The following GATAD2A variants were observed in gnomAD, a reference collection of about 807,000 sequenced individuals.
GATAD2A encodes the protein GATA zinc finger domain containing 2A.
Under a neutral mutation model 68.5 loss-of-function variants are expected in GATAD2A, and 12 were observed. The ratio of observed to expected loss-of-function variants is 0.18; its 90% CI spans 0.11 to 0.28. GATAD2A has a LOEUF of 0.28. Ranked by LOEUF, GATAD2A falls within the 10% of genes least tolerant of loss-of-function variation. The probability of loss-of-function intolerance (pLI) is 1.00; values close to 1 mark genes in which losing one functional copy is unlikely to be tolerated. For missense variants in GATAD2A, 755 were observed against 868.5 expected (o/e 0.87, Z 1.64); for synonymous variants, 410 against 375.3 (o/e 1.09, Z -1.07).
In GATAD2A at chr19:19,409,866, C is replaced by G. The variant is rs141555763; in HGVS notation, c.-7+3847C>G. Among the ~76,000 whole-genome samples, 1,133 of 152,300 alleles carry G rather than the reference C, an allele frequency of 7.4e-3. 7 individuals are homozygous for G. The highest frequency in any genetic ancestry group is 0.013 in the Non-Finnish European group (860 of 68,020). On this transcript the variant is annotated intron_variant, in intron 1 of 11. Coordinates refer to ENST00000683918, the MANE Select transcript of GATAD2A (RefSeq NM_001384528.1). Reference sequence around the variant, plus strand: ...GACCGTTGGCTTCTTGCCCCTCCCCCACCTTGTGCTTTCCAGACTATATTT... The same window carrying G: ...GACCGTTGGCTTCTTGCCCCTCCCCGACCTTGTGCTTTCCAGACTATATTT...
At chr19:19,410,615 A>G (rs770340521) in intron 1 of GATAD2A, among the ~76,000 whole-genome samples, 1 of 152,220 alleles carries the variant, frequency 6.6e-6, no homozygotes, top group Non-Finnish European at 1.5e-5. Flanking sequence ...CTTCGAGCAC[A>G]CACTTTAAAA....
At chr19:19,412,865 A>G (rs1313276164) in intron 1 of GATAD2A, among the ~76,000 whole-genome samples, 2 of 152,146 alleles carry the variant, frequency 1.3e-5, no homozygotes, top group African/African-American at 2.4e-5. Flanking sequence ...GTAGGCCTCC[A>G]ATTTACGATG....
At chr19:19,394,723 C>T (rs997263259) in intron 1 of GATAD2A, among the ~76,000 whole-genome samples, 1 of 152,130 alleles carries the variant, frequency 6.6e-6, no homozygotes, top group African/African-American at 2.4e-5. Flanking sequence ...GGATTACAGG[C>T]GTGAGCCACC....
In GATAD2A at chr19:19,407,713, C is replaced by T. The variant is rs141261258; in HGVS notation, c.-7+1694C>T. ...GCCCTGCTTTGTTCTAGTGGAGCAGCGTTACCAGCTGGATTTTAAGGAACT... is the reference window on the plus strand; with the variant it reads ...GCCCTGCTTTGTTCTAGTGGAGCAGTGTTACCAGCTGGATTTTAAGGAACT... On this transcript the variant is annotated intron_variant, in intron 1 of 11. Transcript: ENST00000683918. Among the ~76,000 whole-genome samples, 122 of 152,308 alleles carry T rather than the reference C, an allele frequency of 8.0e-4. 1 individual carries two copies. The highest frequency in any genetic ancestry group is 2.8e-3 in the African/African-American group (115 of 41,562).
At chr19:19,414,474 C>T (rs2147159560) in intron 1 of GATAD2A, among the ~76,000 whole-genome samples, 1 of 150,926 alleles carries the variant, frequency 6.6e-6, no homozygotes, top group South Asian at 2.1e-4. Context: ...GTTTTAGCTT[C>T]CTTCTTACTT....
chr19:19,484,532 CTTTTTTTTTTTTTTTTTT>C (rs1196392293), intron 2 of GATAD2A, among the ~76,000 whole-genome samples: 1 of 86,958 alleles, frequency 1.1e-5, no homozygotes, highest in Non-Finnish European at 2.2e-5. Flanking sequence ...TTTTTTTTTT[CTTTTTTTTTTTTTTTTTT>C]GAGACGGAGT....
chr19:19,410,108 C>A (rs146069424), intron 1 of GATAD2A, among the ~76,000 whole-genome samples: 1 of 152,258 alleles, frequency 6.6e-6, no homozygotes, highest in Non-Finnish European at 1.5e-5. Context: ...CGCTGTACCC[C>A]CTTTGTCTCT....
Position 19,498,509 on chromosome 19 carries a change from G to A in GATAD2A, c.991G>A (p.Val331Met). 2 of 1,613,898 alleles carry A rather than the reference G, an allele frequency of 1.2e-6. No homozygotes were observed. Among genetic ancestry groups the A allele is most frequent in the South Asian group, 1.1e-5 (1 of 91,080 alleles). ...SAQANSTPTSVASVVTSAESP... is the reference protein window; with the variant it reads ...SAQANSTPTSMASVVTSAESP... ...TCAGGCCAACTCCACCCCCACTAGTGTGGCCTCTGTGGTCACCTCTGCCGA... is the reference window on the plus strand; with the variant it reads ...TCAGGCCAACTCCACCCCCACTAGTATGGCCTCTGTGGTCACCTCTGCCGA... The change falls in exon 8 of 12, where the codon GTG (valine) becomes ATG (methionine). Residue 331 changes from valine (V) to methionine (M), a missense_variant. Val to Met is a conservative substitution (Grantham distance 21). Transcript: ENST00000683918.
intron 2 of GATAD2A, among the ~76,000 whole-genome samples, chr19:19,486,515 G>C (rs2059439328): frequency 6.6e-6 from 1 of 152,212 alleles, no homozygotes; most frequent in Non-Finnish European, 1.5e-5. Flanking sequence ...GGCAGCATGT[G>C]ATCTGACAGC....
rs142456630 is a variant in GATAD2A, at chr19:19,409,467, G to A, written c.-7+3448G>A. 2.3e-3 allele frequency among the ~76,000 whole-genome samples: 346 copies of A among 152,244 alleles called. 2 individuals are homozygous for A. The highest frequency in any genetic ancestry group is 4.1e-3 in the Non-Finnish European group (278 of 68,020). On this transcript the variant is annotated intron_variant, in intron 1 of 11. Coordinates refer to ENST00000683918, the MANE Select transcript of GATAD2A (RefSeq NM_001384528.1). ...CAAGTTGGCAATGTCATAGTTTGAG[G>A]CATACAGAACTATGCTGCCTGCTAA... is the stretch of plus-strand genomic sequence containing the variant.
At chr19:19,481,686 G>T (rs1427130318) in intron 2 of GATAD2A, among the ~76,000 whole-genome samples, 1 of 152,136 alleles carries the variant, frequency 6.6e-6, no homozygotes, top group Non-Finnish European at 1.5e-5. Flanking sequence ...ATCATTTCTT[G>T]ATAGAGTCCG....
intron 1 of GATAD2A, among the ~76,000 whole-genome samples, chr19:19,428,375 T>G (rs990277898): frequency 3.3e-5 from 5 of 152,208 alleles, no homozygotes; most frequent in African/African-American, 1.2e-4. Flanking sequence ...TAGCAATGTT[T>G]TGAGGAACAA....
intron 1 of GATAD2A, among the ~76,000 whole-genome samples, chr19:19,450,970 C>T (rs1175686759): frequency 6.8e-6 from 1 of 147,746 alleles, no homozygotes; most frequent in Non-Finnish European, 1.5e-5. Flanking sequence ...CGGGGTTTCA[C>T]CATGTTGGCC....
intron 4 of GATAD2A, among the ~76,000 whole-genome samples, 167 bp downstream of exon 4, chr19:19,492,879 C>A (rs1188432978): frequency 1.3e-5 from 2 of 151,682 alleles, no homozygotes; most frequent in Non-Finnish European, 2.9e-5. Flanking sequence ...TTGGATTCAG[C>A]TTACAAGATG....
At chr19:19,449,594 CA>C (rs10532588) in intron 1 of GATAD2A, among the ~76,000 whole-genome samples, 60,641 of 140,886 alleles carry the variant, frequency 0.43, 12,840 homozygotes, top group East Asian at 0.62. Flanking sequence ...TTAAATGTAT[CA>C]AAAAAAAAAA....
chr19:19,458,986 T>G (rs547506253), intron 1 of GATAD2A, among the ~76,000 whole-genome samples: 15 of 152,250 alleles, frequency 9.9e-5, no homozygotes, highest in African/African-American at 3.4e-4. Context: ...CCTTTTTTCT[T>G]TAAGAAACAT....
In GATAD2A at chr19:19,506,408, C is replaced by A. The variant is rs914743270; in HGVS notation, c.*934C>A. 3 of 365,598 alleles carry A rather than the reference C, an allele frequency of 8.2e-6. No individual in the cohort carries two copies. The highest frequency in any genetic ancestry group is 1.5e-5 in the Non-Finnish European group (3 of 206,718). 22.6% of individuals were successfully genotyped at this position (365,598 alleles called of 1,614,324 possible). On this transcript the variant is annotated 3_prime_UTR_variant, in exon 12 of 12. Coordinates refer to ENST00000683918, the MANE Select transcript of GATAD2A (RefSeq NM_001384528.1). Reference sequence around the variant, plus strand: ...TGTGGTTTATTTTATTAAATTTTTTCCTTTTTTCTATTCATTTCGATGGAC... The same window carrying A: ...TGTGGTTTATTTTATTAAATTTTTTACTTTTTTCTATTCATTTCGATGGAC...
intron 1 of GATAD2A, among the ~76,000 whole-genome samples, chr19:19,392,420 T>C (rs2048913947): frequency 6.8e-6 from 1 of 146,572 alleles, no homozygotes; most frequent in African/African-American, 2.5e-5. Context: ...CCAGACAGAG[T>C]CTCGCTCTGT....
chr19:19,479,831 C>CTTTTTTTTTTTT (rs35537344), intron 2 of GATAD2A, among the ~76,000 whole-genome samples: 1 of 85,576 alleles, frequency 1.2e-5, no homozygotes, highest in East Asian at 3.1e-4. Flanking sequence ...GTGGCCCACT[C>CTTTTTTTTTTTT]TTTTTTTTTT....
Sources: gnomAD v4.1 joint callset for allele counts (sites outside exome capture counted in the v4.1 genomes callset) on GRCh38, gnomAD v4.1.1 for gene constraint, MANE v1.5 for transcripts, NCBI Gene and HGNC (gene_info 2026-07-23, HGNC 2026-07-21) for gene names.